The following ABCG2 variants were observed in gnomAD, a reference collection of about 807,000 sequenced individuals.
The protein encoded by ABCG2 is ATP binding cassette subfamily G member 2 (JR blood group), also known as broad substrate specificity ATP-binding cassette transporter ABCG2.
A neutral mutation model predicts 73.5 loss-of-function variants in ABCG2; 80 were observed. The observed-to-expected ratio is 1.09, with a 90% CI of 0.91 to 1.31. ABCG2 has a LOEUF of 1.31. Among genes scored for constraint, ABCG2 ranks in the 50% most tolerant of loss-of-function variants. The pLI, the probability that ABCG2 is intolerant of heterozygous loss-of-function variation, is 0.00. For synonymous variants in ABCG2, 269 were observed against 282.4 expected, an observed-to-expected ratio of 0.95 and a Z score of 0.48; for missense variants, 796 against 786.2, an observed-to-expected ratio of 1.01 and a Z score of -0.15.
Position 88,115,076 on chromosome 4 carries a change from T to C in ABCG2, c.842-18A>G, listed in dbSNP as rs2110010416. On this transcript the variant is annotated intron_variant, in intron 7 of 15. Coordinates refer to ENST00000237612, the MANE Select transcript of ABCG2 (RefSeq NM_004827.3). ...GTGATAACCTATGAAAGAAGGCAGCTCAAAAACACAAACTTGATGGTCTTG... is the reference window on the plus strand; with the variant it reads ...GTGATAACCTATGAAAGAAGGCAGCCCAAAAACACAAACTTGATGGTCTTG... 1 of 1,550,812 alleles carries C rather than the reference T, an allele frequency of 6.4e-7. No homozygotes were observed. The highest frequency in any genetic ancestry group is 8.9e-7 in the Non-Finnish European group (1 of 1,125,582).
chr4:88,115,045 C>T lies in ABCG2; in HGVS notation c.855G>A (p.Glu285=). The T allele has an allele frequency of 5.6e-6, 9 of 1,610,168 alleles. No individual in the cohort carries two copies. The highest frequency in any genetic ancestry group is 7.6e-6 in the Non-Finnish European group (9 of 1,177,094). ...GYFESAGYHC[E]AYNNPADFFL... is the part of the protein sequence containing the mutation. ...AGAAGTCTGCAGGGTTATTATAGGC[C>T]TCACAGTGATAACCTATGAAAGAAG... The change falls in exon 8 of 16, where the codon GAG becomes GAA. Residue 285 remains glutamate (E), a synonymous_variant. Transcript: ENST00000237612.
chr4:88,158,617 T>G lies in ABCG2; in HGVS notation c.-251A>C. 3 of 456,302 alleles carry G rather than the reference T, an allele frequency of 6.6e-6. No homozygotes were observed. The highest frequency in any genetic ancestry group is 1.3e-5 in the Non-Finnish European group (3 of 226,962). The allele number at this position is 456,302 out of a possible 1,614,324, so 28.3% of individuals were successfully genotyped here. On this transcript the variant is annotated 5_prime_UTR_variant, in exon 1 of 16. Transcript: ENST00000237612. The stretch of plus-strand genomic sequence containing the variant: ...GCTGCCTCCTTGCCGCGTCTCTCAA[T>G]CTCAGTGGGAGTGGCGGGCACTGCC...
intron 1 of ABCG2, among the ~76,000 whole-genome samples, chr4:88,207,887 AT>A (rs1385820248): frequency 6.6e-6 from 1 of 152,140 alleles, no homozygotes; most frequent in African/African-American, 2.4e-5. Flanking sequence ...ACAATGAAGG[AT>A]ATTTTTGTTG....
intron 1 of ABCG2, among the ~76,000 whole-genome samples, chr4:88,211,358 G>T (rs1327979437): frequency 0.01 from 350 of 33,464 alleles, 2 homozygotes; most frequent in African/African-American, 0.018. Flanking sequence ...TTCAACCCCT[G>T]CCCCACCCCC....
intron 1 of ABCG2, among the ~76,000 whole-genome samples, chr4:88,210,098 T>A (rs1199754017): frequency 6.6e-6 from 1 of 152,150 alleles, no homozygotes; most frequent in Non-Finnish European, 1.5e-5. Context: ...AGGTGTAGAA[T>A]GCTCATGCAC....
At chr4:88,193,839 G>C (rs1728805899) in intron 1 of ABCG2, among the ~76,000 whole-genome samples, 1 of 152,106 alleles carries the variant, frequency 6.6e-6, no homozygotes, top group Non-Finnish European at 1.5e-5. Context: ...CCACTTCCTG[G>C]ATTCAAGCGA....
intron 1 of ABCG2, among the ~76,000 whole-genome samples, chr4:88,192,336 T>G (rs1338944371): frequency 6.6e-6 from 1 of 152,206 alleles, no homozygotes. Flanking sequence ...TTAAATTCAC[T>G]GGATTGTATA....
chr4:88,177,115 G>A (rs899576098), intron 1 of ABCG2, among the ~76,000 whole-genome samples: 8 of 152,226 alleles, frequency 5.3e-5, no homozygotes, highest in African/African-American at 1.9e-4. Flanking sequence ...GCTCACGCCT[G>A]TAATCCCAGC....
At chr4:88,149,538 C>A (rs978887177) in intron 1 of ABCG2, among the ~76,000 whole-genome samples, 56 of 152,154 alleles carry the variant, frequency 3.7e-4, no homozygotes, top group Non-Finnish European at 7.1e-4. Flanking sequence ...CTTAGCCTCT[C>A]CAAGCCTGTT....
intron 15 of ABCG2, 152 bp downstream of exon 15, chr4:88,094,425 A>G (rs1721845939): frequency 3.3e-6 from 2 of 600,074 alleles, no homozygotes; most frequent in African/African-American, 1.9e-5. Context: ...GTTCACATGC[A>G]TTCGCGCACA....
intron 2 of ABCG2, among the ~76,000 whole-genome samples, chr4:88,138,264 AT>A (rs1007033278): frequency 4.4e-4 from 67 of 152,098 alleles, no homozygotes; most frequent in African/African-American, 1.5e-3. Context: ...ATGGGAATGA[AT>A]TTTTTTTTCC....
At chr4:88,145,362 G>A (rs1245667068) in intron 1 of ABCG2, among the ~76,000 whole-genome samples, 3 of 152,172 alleles carry the variant, frequency 2.0e-5, no homozygotes, top group Admixed American at 2.0e-4. Context: ...TTAAAAGGTT[G>A]ATCCATGGGC....
At position 88,100,048 on chromosome 4, in the gene ABCG2, C is replaced by A. The variant is rs538606319; in HGVS notation, c.1368-600G>T. On this transcript the variant is annotated intron_variant, in intron 11 of 15. Coordinates refer to ENST00000237612, the MANE Select transcript of ABCG2 (RefSeq NM_004827.3). ...TCCTCTTCCTGACATCTTTCTCCCA[C>A]AATTCCAAACTCTTCCACTTCCTTC... is the stretch of plus-strand genomic sequence containing the variant. Among the ~76,000 whole-genome samples the A allele has an allele frequency of 1.3e-3, 194 of 152,236 alleles. 1 individual carries two copies. Among genetic ancestry groups the A allele is most frequent in the African/African-American group, 4.5e-3 (186 of 41,532 alleles).
chr4:88,136,095 T>C (rs984516045), intron 2 of ABCG2, among the ~76,000 whole-genome samples: 1 of 152,078 alleles, frequency 6.6e-6, no homozygotes, highest in Non-Finnish European at 1.5e-5. Context: ...AAGACAGCTA[T>C]AGAAACATAA....
In ABCG2 at chr4:88,202,354, T is replaced by TTATATATATATATA. The variant is rs57530549; in HGVS notation, c.-20+28626_-20+28639dup. Among the ~76,000 whole-genome samples the TTATATATATATATA allele has an allele frequency of 1.9e-4, 12 of 62,078 alleles. 2 individuals are homozygous for TTATATATATATATA. In the South Asian group the frequency reaches 9.7e-3, roughly 50 times the overall value. The allele number at this position is 62,078 out of a possible 152,430, so 40.7% of individuals were successfully genotyped here. A position where few individuals can be genotyped will look rare whatever the true frequency, so the allele number is the denominator to read the frequency against. On this transcript the variant is annotated intron_variant, in intron 1 of 15. Transcript: ENST00000515655. ...AGGAGGACCCCATCTCTACAATTAT[T>TTATATATATATATA]TATATATATATATATATATATATGT... is the stretch of plus-strand genomic sequence containing the variant.
chr4:88,117,917 T>C (rs749999561), intron 7 of ABCG2, among the ~76,000 whole-genome samples, 192 bp downstream of exon 7: 36 of 152,062 alleles, frequency 2.4e-4, no homozygotes, highest in Non-Finnish European at 4.4e-4. Flanking sequence ...ACAAGAAAGA[T>C]ACCTAAATAA....
chr4:88,092,688 G>GT (rs1187115397), intron 15 of ABCG2, among the ~76,000 whole-genome samples: 2 of 152,152 alleles, frequency 1.3e-5, no homozygotes, highest in African/African-American at 4.8e-5. Flanking sequence ...GAATCACCAA[G>GT]TTTTTAGCCT....
chr4:88,153,246 T>C (rs559060523), intron 1 of ABCG2, among the ~76,000 whole-genome samples: 4 of 151,602 alleles, frequency 2.6e-5, no homozygotes, highest in African/African-American at 9.7e-5. Context: ...GTATGAGTAG[T>C]TGAGAATGGT....
chr4:88,179,545 A>C (rs1728149085), intron 1 of ABCG2, among the ~76,000 whole-genome samples: 2 of 152,206 alleles, frequency 1.3e-5, no homozygotes, highest in Admixed American at 1.3e-4. Context: ...ACATGACCTC[A>C]CTAAATGAAC....
Sources: gnomAD v4.1 joint callset for allele counts (sites outside exome capture counted in the v4.1 genomes callset) on GRCh38, gnomAD v4.1.1 for gene constraint, MANE v1.5 for transcripts, NCBI Gene and HGNC (gene_info 2026-07-23, HGNC 2026-07-21) for gene names.